Variants in PCDH15 observed in about 807,000 individuals in gnomAD.
The protein encoded by PCDH15 is protocadherin related 15.
PCDH15 carries 129 observed loss-of-function variants against 178.5 expected under a neutral mutation model. The ratio of observed to expected loss-of-function variants is 0.72; its 90% confidence interval spans 0.63 to 0.84. The LOEUF is 0.84. PCDH15 is among the 40% of genes least tolerant of loss of function. The pLI, the probability that PCDH15 is intolerant of heterozygous loss-of-function variation, is 0.00. For missense variants in PCDH15, 2,230 were observed against 2,099.9 expected (o/e 1.06, Z -1.21); for synonymous variants, 800 against 732.0 (o/e 1.09, Z -1.50).
intron 2 of PCDH15, among the ~76,000 whole-genome samples, chr10:55,100,040 C>T (rs1842540964): frequency 1.3e-5 from 2 of 152,058 alleles, no homozygotes; most frequent in Admixed American, 6.6e-5. Context: ...AATACAATTT[C>T]CTAAAAATTA....
intron 15 of PCDH15, among the ~76,000 whole-genome samples, chr10:54,097,017 A>G (rs1407165960): frequency 6.6e-6 from 1 of 152,072 alleles, no homozygotes; most frequent in East Asian, 1.9e-4. Context: ...GTAGTTTTTA[A>G]CCACCAAAAT....
intron 14 of PCDH15, among the ~76,000 whole-genome samples, chr10:54,150,260 G>A (rs551506951): frequency 1.3e-5 from 2 of 152,020 alleles, no homozygotes; most frequent in Middle Eastern, 3.4e-3. Flanking sequence ...TTGAGGAGGA[G>A]GAAATCTAGT....
intron 8 of PCDH15, among the ~76,000 whole-genome samples, chr10:54,269,212 T>C (rs762373164): frequency 2.0e-5 from 3 of 151,928 alleles, no homozygotes; most frequent in Admixed American, 6.6e-5. Context: ...AATGAGAAAC[T>C]GAAAGAAAAC....
At chr10:54,274,888 C>T (rs2058264627) in intron 8 of PCDH15, among the ~76,000 whole-genome samples, 1 of 151,630 alleles carries the variant, frequency 6.6e-6, no homozygotes, top group African/African-American at 2.4e-5. Context: ...TATAAAAGAC[C>T]TATAGTGAAT....
rs772692454 is a variant in PCDH15 at position 53,822,654 on chromosome 10, C to CTGA, written c.4368-2427_4368-2425dup. 77 of 1,613,924 alleles carry CTGA rather than the reference C, an allele frequency of 4.8e-5. No homozygotes were observed. In the African/African-American group the frequency reaches 1.0e-3, roughly 22 times the overall value. On this transcript the variant is annotated intron_variant, in intron 32 of 37. Transcript: ENST00000644397. ...TTCCAAGGAACACTCAGCAGGAGAA[C>CTGA]TGATGACATTAGGTTCTGATTTGAG...
intron 35 of PCDH15, among the ~76,000 whole-genome samples, chr10:53,813,703 C>T (rs1352591659): frequency 6.6e-6 from 1 of 152,132 alleles, no homozygotes; most frequent in African/African-American, 2.4e-5. Flanking sequence ...GAGATAAACA[C>T]GCTACCACAT....
chr10:55,281,311 C>A (rs1432844668), intron 1 of PCDH15, among the ~76,000 whole-genome samples: 3 of 152,064 alleles, frequency 2.0e-5, no homozygotes, highest in African/African-American at 7.2e-5. Flanking sequence ...TTGCCTCCTT[C>A]ATCATTTCAC....
chr10:54,951,697 T>C (rs1257541353), intron 2 of PCDH15, among the ~76,000 whole-genome samples: 1 of 151,884 alleles, frequency 6.6e-6, no homozygotes, highest in African/African-American at 2.4e-5. Flanking sequence ...TGAATGTTAC[T>C]TTTGCTTTAC....
chr10:53,814,090 G>A (rs890286077), intron 35 of PCDH15, among the ~76,000 whole-genome samples: 2 of 152,106 alleles, frequency 1.3e-5, no homozygotes, highest in African/African-American at 4.8e-5. Context: ...TTGTAAAAAC[G>A]TTTCCTGGAG....
At chr10:54,577,528 C>T (rs1340582511) in intron 2 of PCDH15, among the ~76,000 whole-genome samples, 1 of 149,928 alleles carries the variant, frequency 6.7e-6, no homozygotes, top group Non-Finnish European at 1.5e-5. Context: ...GGTGAGAATA[C>T]AAAAAAGGAA....
chr10:53,884,179 C>T (rs1004910101), intron 26 of PCDH15, among the ~76,000 whole-genome samples: 2 of 152,190 alleles, frequency 1.3e-5, no homozygotes, highest in African/African-American at 4.8e-5. Context: ...GGGGCTGACA[C>T]TGACAACTAC....
intron 3 of PCDH15, among the ~76,000 whole-genome samples, chr10:54,403,026 T>G (rs867861543): frequency 1.3e-5 from 2 of 152,000 alleles, no homozygotes; most frequent in South Asian, 4.1e-4. Flanking sequence ...AGCCAAGCTA[T>G]GAATTCAAAG....
intron 8 of PCDH15, among the ~76,000 whole-genome samples, chr10:54,278,587 AACCCAGTG>A (rs2058483141): frequency 6.6e-6 from 1 of 151,506 alleles, no homozygotes; most frequent in Non-Finnish European, 1.5e-5. Context: ...AAAAAAATAG[AACCCAGTG>A]ACCCAACATA....
At chr10:54,982,946 T>C (rs891026498) in intron 2 of PCDH15, among the ~76,000 whole-genome samples, 5 of 152,062 alleles carry the variant, frequency 3.3e-5, no homozygotes, top group African/African-American at 1.2e-4. Context: ...AAACAGAGAC[T>C]CCAACAGCTT....
chr10:54,184,499 T>C (rs2048310961), intron 12 of PCDH15, among the ~76,000 whole-genome samples: 1 of 152,110 alleles, frequency 6.6e-6, no homozygotes, highest in South Asian at 2.1e-4. Flanking sequence ...GATAAATATT[T>C]ACAATCACAA....
At chr10:55,246,154 A>G (rs574289470) in intron 1 of PCDH15, among the ~76,000 whole-genome samples, 1 of 152,320 alleles carries the variant, frequency 6.6e-6, no homozygotes, top group South Asian at 2.1e-4. Context: ...ATTAAGAGAT[A>G]AGAGTAAGGA....
At chr10:55,626,853 A>C (rs1358736001) in intron 2 of PCDH15, among the ~76,000 whole-genome samples, 2 of 152,218 alleles carry the variant, frequency 1.3e-5, no homozygotes, top group Non-Finnish European at 2.9e-5. Flanking sequence ...TAGGCAAGGT[A>C]GGAAAGAAGT....
intron 35 of PCDH15, among the ~76,000 whole-genome samples, chr10:53,813,656 G>A (rs190005509): frequency 3.0e-4 from 45 of 152,184 alleles, no homozygotes; most frequent in Middle Eastern, 3.4e-3. Context: ...CACATTATTC[G>A]TAACAGTCCC....
chr10:54,966,873 G>A (rs1359417238), intron 2 of PCDH15, among the ~76,000 whole-genome samples: 2 of 152,040 alleles, frequency 1.3e-5, no homozygotes, highest in African/African-American at 4.8e-5. Context: ...CCAGCCTCAG[G>A]TATATCTTTA....
Sources: gnomAD v4.1 joint callset for allele counts (sites outside exome capture counted in the v4.1 genomes callset) on GRCh38, gnomAD v4.1.1 for gene constraint, MANE v1.5 for transcripts, NCBI Gene and HGNC (gene_info 2026-07-23, HGNC 2026-07-21) for gene names.